KCTD5: variants seen among roughly 807,000 people sequenced by gnomAD.
KCTD5 encodes BTB/POZ domain-containing protein KCTD5.
KCTD5 carries 12 observed loss-of-function variants against 27.9 expected under a neutral mutation model. The observed-to-expected ratio is 0.43, with a 90% CI of 0.28 to 0.70. The LOEUF (loss-of-function observed/expected upper bound fraction) is 0.70, where lower values mean the gene tolerates loss of function less well. Among genes scored for constraint, KCTD5 ranks in the 30% least tolerant of loss-of-function variants. The probability of loss-of-function intolerance (pLI) is 0.19; values close to 1 mark genes in which losing one functional copy is unlikely to be tolerated. For synonymous variants in KCTD5, 147 were observed against 121.4 expected (o/e 1.21, Z -1.39); for missense variants, 226 against 274.8 (o/e 0.82, Z 1.26).
rs571039792 is a variant in KCTD5 at position 2,706,351 on chromosome 16, C to T, written c.676-947C>T. On this transcript the variant is annotated intron_variant, in intron 5 of 5. Transcript: ENST00000301738. ...TCTGGGAGGCTGTGCCCGGCGAGGG[C>T]GTGGGCGTTGCTGCCCTACCTGGTG... 5.3e-5 allele frequency among the ~76,000 whole-genome samples: 8 copies of T among 152,330 alleles called. No homozygotes were observed. The East Asian group carries it at 1.2e-3, about 22-fold the overall frequency.
Position 2,707,770 on chromosome 16 carries a change from T to G in KCTD5, c.*443T>G, listed in dbSNP as rs2067643713. On this transcript the variant is annotated 3_prime_UTR_variant, in exon 6 of 6. Transcript: ENST00000301738. ...GGCCTCTGGTCCGACCACCAGGCCCTAGTCTCGGTCAGGGAGTCTGCTCTG... is the reference window on the plus strand; with the variant it reads ...GGCCTCTGGTCCGACCACCAGGCCCGAGTCTCGGTCAGGGAGTCTGCTCTG... 2 of 323,958 alleles carry G rather than the reference T, an allele frequency of 6.2e-6. No individual in the cohort carries two copies. The highest frequency in any genetic ancestry group is 5.7e-6 in the Non-Finnish European group (1 of 176,328). The allele number at this position is 323,958 out of a possible 1,614,324, so 20.1% of individuals were successfully genotyped here. A position where few individuals can be genotyped will look rare whatever the true frequency, so the allele number is the denominator to read the frequency against.
At chr16:2,698,932 G>A (rs1248652191) in intron 3 of KCTD5, among the ~76,000 whole-genome samples, 1 of 152,220 alleles carries the variant, frequency 6.6e-6, no homozygotes, top group Non-Finnish European at 1.5e-5. Flanking sequence ...CTACCTACCT[G>A]TATGACGCAG....
At chr16:2,706,957 G>A (rs1392487326) in intron 5 of KCTD5, among the ~76,000 whole-genome samples, 2 of 150,762 alleles carry the variant, frequency 1.3e-5, no homozygotes, top group African/African-American at 4.9e-5. Flanking sequence ...GGGGAGGGGG[G>A]ACTGGACTGC....
intron 3 of KCTD5, among the ~76,000 whole-genome samples, chr16:2,698,503 C>G (rs1010921120): frequency 6.6e-6 from 1 of 152,222 alleles, no homozygotes; most frequent in African/African-American, 2.4e-5. Context: ...CCAGGGGAGC[C>G]CAGGTTGTTG....
At chr16:2,692,927 T>A (rs1168280900) in intron 1 of KCTD5, among the ~76,000 whole-genome samples, 4 of 152,260 alleles carry the variant, frequency 2.6e-5, no homozygotes, top group Non-Finnish European at 5.9e-5. Flanking sequence ...AGGCTGTGGT[T>A]TGGGCAGCTG....
rs543504132 is a variant in KCTD5, at chr16:2,683,092, T to G, written c.252+292T>G. The stretch of plus-strand genomic sequence containing the variant: ...TTGCTCTTTGGTGGAGGAGGCTTCC[T>G]AGACCCCGGACTTTGCTGTGATTCT... On this transcript the variant is annotated intron_variant, in intron 1 of 5. Coordinates refer to ENST00000301738, the MANE Select transcript of KCTD5 (RefSeq NM_018992.4). 1.6e-4 allele frequency: 59 copies of G among 374,166 alleles called. 1 individual carries two copies. Among genetic ancestry groups the G allele is most frequent in the East Asian group, 7.1e-4 (15 of 21,114 alleles). The allele number at this position is 374,166 out of a possible 1,614,324, so 23.2% of individuals were successfully genotyped here.
At chr16:2,699,270 A>C (rs576943275) in intron 3 of KCTD5, 1 of 455,092 alleles carries the variant, frequency 2.2e-6, no homozygotes, top group Non-Finnish European at 4.4e-6. Context: ...CATCACTCCC[A>C]GGACCACAGC....
chr16:2,691,350 G>A (rs78376026), intron 1 of KCTD5, among the ~76,000 whole-genome samples: 2,220 of 152,344 alleles, frequency 0.015, 28 homozygotes, highest in Middle Eastern at 0.071. Flanking sequence ...CCCATGGGAA[G>A]AAACGGCCGG....
At chr16:2,706,058 C>T (rs1365060338) in intron 5 of KCTD5, among the ~76,000 whole-genome samples, 1 of 152,204 alleles carries the variant, frequency 6.6e-6, no homozygotes, top group East Asian at 1.9e-4. Context: ...CACCCTGGCC[C>T]AGGGAGGGAC....
intron 5 of KCTD5, among the ~76,000 whole-genome samples, chr16:2,704,464 C>T (rs944475275): frequency 6.6e-6 from 1 of 152,236 alleles, no homozygotes; most frequent in Non-Finnish European, 1.5e-5. Context: ...TGAAGGCGGT[C>T]CACACATGAG....
chr16:2,691,274 G>A (rs935764044), intron 1 of KCTD5, among the ~76,000 whole-genome samples: 1 of 152,260 alleles, frequency 6.6e-6, no homozygotes, highest in African/African-American at 2.4e-5. Context: ...TGGTGCGGAT[G>A]TCCCTGACCT....
chr16:2,688,243 A>ATATATATTTATT (rs1282831421), intron 1 of KCTD5, among the ~76,000 whole-genome samples: 52 of 64,234 alleles, frequency 8.1e-4, no homozygotes, highest in African/African-American at 2.4e-3. Flanking sequence ...ATATATATAT[A>ATATATATTTATT]TATTTATTTA....
At position 2,702,627 on chromosome 16, in the gene KCTD5, G is replaced by A. The variant is rs79679889; in HGVS notation, c.675+149G>A. 2.2e-3 allele frequency: 2,360 copies of A among 1,094,860 alleles called. 35 individuals carry two copies. The African/African-American group carries it at 0.028, about 13-fold the overall frequency. The allele number at this position is 1,094,860 out of a possible 1,614,324, so 67.8% of individuals were successfully genotyped here. On this transcript the variant is annotated intron_variant, in intron 5 of 5. Transcript: ENST00000301738. Reference sequence around the variant, plus strand: ...TGACTTCTTGGACACACGGTCTCCCGTGGGACAGGTTCTCTCGACACAGGC... The same window carrying A: ...TGACTTCTTGGACACACGGTCTCCCATGGGACAGGTTCTCTCGACACAGGC...
chr16:2,702,680 C>G (rs1217243203), intron 5 of KCTD5, among the ~76,000 whole-genome samples: 1 of 152,242 alleles, frequency 6.6e-6, no homozygotes, highest in Non-Finnish European at 1.5e-5. Flanking sequence ...GGCCTCCCAG[C>G]CTGCATGCAG....
At chr16:2,700,012 G>A in intron 4 of KCTD5, 96 bp downstream of exon 4, 1 of 1,147,928 alleles carries the variant, frequency 8.7e-7, no homozygotes, top group Non-Finnish European at 1.3e-6. Context: ...TGCAGACTTT[G>A]CTGCTGGCGT....
chr16:2,684,879 AGT>A (rs2067533965), intron 1 of KCTD5: 2 of 152,156 alleles, frequency 1.3e-5, no homozygotes, highest in South Asian at 4.1e-4. Flanking sequence ...TGGAGCTTGC[AGT>A]GAGTCAAGAT....
intron 1 of KCTD5, chr16:2,684,457 T>A (rs1174545367): frequency 6.6e-6 from 1 of 151,140 alleles, no homozygotes; most frequent in East Asian, 1.9e-4. Context: ...AATATGGTGA[T>A]GCCCGGTCTC....
intron 5 of KCTD5, among the ~76,000 whole-genome samples, chr16:2,703,714 G>A (rs1272129442): frequency 1.3e-5 from 2 of 152,234 alleles, no homozygotes; most frequent in East Asian, 3.9e-4. Flanking sequence ...GCCACCCGTT[G>A]TGCTCTTGCT....
In KCTD5 at chr16:2,699,889, C is replaced by T; in HGVS notation, c.522C>T (p.Thr174=). The T allele has an allele frequency of 1.9e-6, 3 of 1,613,928 alleles. No individual in the cohort carries two copies. Among genetic ancestry groups the T allele is most frequent in the Non-Finnish European group, 2.5e-6 (3 of 1,179,962 alleles). The change falls in exon 4 of 6, where the codon ACC becomes ACT. Residue 174 remains threonine, a synonymous_variant. Coordinates refer to ENST00000301738, the MANE Select transcript of KCTD5 (RefSeq NM_018992.4). The part of the protein sequence containing the change: ...QEEELTQMVS[T]MSDGWKFEQL... ...AGGAGCTCACGCAGATGGTGTCCACCATGTCCGACGGCTGGAAGTTCGAGC... is the reference window on the plus strand; with the variant it reads ...AGGAGCTCACGCAGATGGTGTCCACTATGTCCGACGGCTGGAAGTTCGAGC...
Sources: gnomAD v4.1 joint callset for allele counts (sites outside exome capture counted in the v4.1 genomes callset) on GRCh38, gnomAD v4.1.1 for gene constraint, MANE v1.5 for transcripts, NCBI Gene and HGNC (gene_info 2026-07-23, HGNC 2026-07-21) for gene names.